Variants in GLIS2 observed in about 807,000 individuals in gnomAD.
The protein encoded by GLIS2 is zinc finger protein GLIS2.
GLIS2 carries 14 observed loss-of-function variants against 35.6 expected under a neutral mutation model. That is an observed-to-expected ratio of 0.39 (90% CI 0.26 to 0.61). The LOEUF (loss-of-function observed/expected upper bound fraction) is 0.61. Ranked by LOEUF, GLIS2 falls within the 20% of genes least tolerant of loss-of-function variation. The pLI, the probability that GLIS2 is intolerant of heterozygous loss-of-function variation, is 0.48. For synonymous variants in GLIS2, 368 were observed against 325.1 expected, an observed-to-expected ratio of 1.13 and a Z score of -1.42; for missense variants, 675 against 713.4, an observed-to-expected ratio of 0.95 and a Z score of 0.61.
chr16:4,335,314 G>A lies in GLIS2; in HGVS notation c.696G>A (p.Glu232=). 1.2e-6 allele frequency: 2 copies of A among 1,613,828 alleles called. No homozygotes were observed. Among genetic ancestry groups the A allele is most frequent in the Middle Eastern group, 1.6e-4 (1 of 6,062 alleles). Residue 232 remains glutamate (E), a synonymous_variant, in exon 6 of 7, where the codon GAG becomes GAA. Coordinates refer to ENST00000433375, the MANE Select transcript of GLIS2 (RefSeq NM_032575.3). The surrounding 1 kb of genome is among the most constrained non-coding windows in gnomAD (Gnocchi z 4.6). ...MLIHIRTHTN[E]KPHRCPTCSK... is the part of the protein sequence containing the mutation. ...TCCACATCCGCACACACACCAACGA[G>A]AAGCCACACCGCTGTCCGACCTGCA...
At chr16:4,316,467 C>A (rs923413210) in intron 1 of GLIS2, among the ~76,000 whole-genome samples, 1 of 151,836 alleles carries the variant, frequency 6.6e-6, no homozygotes, top group Non-Finnish European at 1.5e-5. Context: ...CCGGGTCCCT[C>A]GAGCTCTCGG....
chr16:4,318,673 T>C (rs1347462723), intron 1 of GLIS2, among the ~76,000 whole-genome samples: 1 of 152,086 alleles, frequency 6.6e-6, no homozygotes, highest in East Asian at 1.9e-4. Context: ...CTGGACCCCA[T>C]TTCCAAGGCC....
chr16:4,333,696 T>G (rs1327552641), intron 3 of GLIS2, among the ~76,000 whole-genome samples, 177 bp downstream of exon 3: 1 of 152,176 alleles, frequency 6.6e-6, no homozygotes, highest in East Asian at 1.9e-4. Flanking sequence ...TCTCCTGCCT[T>G]CTGGCAGCTT....
At chr16:4,316,345 G>T (rs1219327825) in intron 1 of GLIS2, among the ~76,000 whole-genome samples, 91 bp downstream of exon 1, 1 of 145,644 alleles carries the variant, frequency 6.9e-6, no homozygotes, top group East Asian at 2.1e-4. Flanking sequence ...CGGGGCCCGA[G>T]GGTCTCCTCC....
intron 1 of GLIS2, among the ~76,000 whole-genome samples, chr16:4,323,649 C>T (rs2053401009): frequency 6.6e-6 from 1 of 152,132 alleles, no homozygotes; most frequent in Admixed American, 6.5e-5. Flanking sequence ...GGTGGGGCAT[C>T]TCCTAGGAAG....
rs1410088490 is a variant in GLIS2 at position 4,332,245 on chromosome 16, C to T, written c.-36C>T. ...TGCGTGAAGACCAGCTGGGAGCCCA[C>T]TGCCTGCTGCCACCTCCAACTCCGG... On this transcript the variant is annotated 5_prime_UTR_variant, in exon 2 of 7. Coordinates refer to ENST00000433375, the MANE Select transcript of GLIS2 (RefSeq NM_032575.3). The surrounding 1 kb of genome is among the most constrained non-coding windows in gnomAD (Gnocchi z 5.4). The T allele has an allele frequency of 1.2e-6, 2 of 1,605,954 alleles. No individual in the cohort carries two copies. Among genetic ancestry groups the T allele is most frequent in the African/African-American group, 2.7e-5 (2 of 74,758 alleles).
chr16:4,317,960 AGCTG>A (rs2053333621), intron 1 of GLIS2, among the ~76,000 whole-genome samples: 1 of 152,074 alleles, frequency 6.6e-6, no homozygotes, highest in Non-Finnish European at 1.5e-5. Flanking sequence ...AAATCCCTCC[AGCTG>A]GGGCTCTTCG....
chr16:4,316,672 G>C (rs1249564656), intron 1 of GLIS2, among the ~76,000 whole-genome samples: 1 of 152,102 alleles, frequency 6.6e-6, no homozygotes, highest in Non-Finnish European at 1.5e-5. Flanking sequence ...CCGCGCCGGG[G>C]CTGCTGCTAG....
intron 3 of GLIS2, among the ~76,000 whole-genome samples, chr16:4,334,542 AT>A (rs1179325451): frequency 6.6e-6 from 1 of 151,462 alleles, no homozygotes; most frequent in Non-Finnish European, 1.5e-5. Flanking sequence ...CTGGCTATAT[AT>A]TTTTTTTAAT....
At position 4,335,697 on chromosome 16, in the gene GLIS2, A is replaced by G. The variant is rs2053543508; in HGVS notation, c.775+304A>G. On this transcript the variant is annotated intron_variant, in intron 6 of 6. Transcript: ENST00000433375. This position sits in a 1 kb window ranked among gnomAD's most constrained non-coding sequence, Gnocchi z 4.6. ...CCAGGTCGGCTTCACTCCTCACTAC[A>G]GCCCAGGCCCATACCAGGACAGCTC... Among the ~76,000 whole-genome samples the G allele has an allele frequency of 6.6e-6, 1 of 152,214 alleles. No individual in the cohort carries two copies. Among genetic ancestry groups the G allele is most frequent in the African/African-American group, 2.4e-5 (1 of 41,450 alleles).
intron 1 of GLIS2, among the ~76,000 whole-genome samples, chr16:4,329,388 A>C (rs2053473456): frequency 6.6e-6 from 1 of 151,844 alleles, no homozygotes; most frequent in Non-Finnish European, 1.5e-5. Context: ...ACAATCTGAC[A>C]GCTCCAACAG....
Position 4,337,578 on chromosome 16 carries a change from C to G in GLIS2, c.*54C>G. On this transcript the variant is annotated 3_prime_UTR_variant, in exon 7 of 7. Transcript: ENST00000433375. ...CCCCGGCAGCTCCCGGCACTGCCCC[C>G]GACGAACGGAAACTCTTCTGTGAAA... The G allele has an allele frequency of 3.3e-6, 5 of 1,535,532 alleles. No homozygotes were observed. Among genetic ancestry groups the G allele is most frequent in the Non-Finnish European group, 4.4e-6 (5 of 1,146,168 alleles).
rs1441249282 is a variant in GLIS2, at chr16:4,332,025, G to C, written c.-66-190G>C. ...CCCAAGAGACTCATGGGAAGCAGAT[G>C]CGGAATCTCTGAGGAGGCTGTTGGC... On this transcript the variant is annotated intron_variant, in intron 1 of 6. Transcript: ENST00000433375. The surrounding 1 kb of genome is among the most constrained non-coding windows in gnomAD (Gnocchi z 5.4). 2.6e-5 allele frequency among the ~76,000 whole-genome samples: 4 copies of C among 152,188 alleles called. No homozygotes were observed. Among genetic ancestry groups the C allele is most frequent in the Non-Finnish European group, 5.9e-5 (4 of 68,032 alleles).
rs760405435 is a variant in GLIS2, at chr16:4,336,755, G to A, written c.806G>A (p.Gly269Asp). 1.9e-6 allele frequency: 3 copies of A among 1,609,626 alleles called. No individual in the cohort carries two copies. Among genetic ancestry groups the A allele is most frequent in the South Asian group, 1.1e-5 (1 of 90,512 alleles). ...AAGCCCTACGTCTGCCCCTACGAGG[G>A]CTGCAACAAGCGCTATTCCAACTCC... is the stretch of plus-strand genomic sequence containing the variant. ...GEKPYVCPYE[G>D]CNKRYSNSSD... Residue 269 changes from glycine to aspartate, a missense_variant, in exon 7 of 7, where the codon GGC (glycine) becomes GAC (aspartate). By Grantham distance (94) the Gly-to-Asp change is moderately conservative (BLOSUM62 -1). This residue lies in a region of GLIS2 where 133 missense variants were observed against 191.4 expected (regional missense o/e 0.69). Transcript: ENST00000433375.
chr16:4,332,424 A>T lies in GLIS2; in HGVS notation c.144A>T (p.Thr48=), dbSNP rs745701047. The change falls in exon 2 of 7, where the codon ACA becomes ACT. Residue 48 remains threonine (T), a synonymous_variant. Transcript: ENST00000433375. This position sits in a 1 kb window ranked among gnomAD's most constrained non-coding sequence, Gnocchi z 5.4. ...RELGLVDDSP[T]PGSPGSPPSG... is the part of the protein sequence containing the mutation. Reference sequence around the variant, plus strand: ...TGGGCCTGGTGGATGACAGCCCCACACCTGGCTCTCCAGGCTCCCCGCCCT... The same window carrying T: ...TGGGCCTGGTGGATGACAGCCCCACTCCTGGCTCTCCAGGCTCCCCGCCCT... The T allele has an allele frequency of 2.5e-6, 4 of 1,612,374 alleles. No individual in the cohort carries two copies. In the Admixed American group the frequency reaches 6.7e-5, roughly 27 times the overall value.
Position 4,337,697 on chromosome 16 carries a change from G to C in GLIS2, c.*173G>C. On this transcript the variant is annotated 3_prime_UTR_variant, in exon 7 of 7. Transcript: ENST00000433375. Reference sequence around the variant, plus strand: ...ATTCATGGCTGGCCTCCCAGCCCCCGGGTGGGGACCTGGCCTGTCATGCAG... The same window carrying C: ...ATTCATGGCTGGCCTCCCAGCCCCCCGGTGGGGACCTGGCCTGTCATGCAG... 2 of 927,526 alleles carry C rather than the reference G, an allele frequency of 2.2e-6. No homozygotes were observed. The highest frequency in any genetic ancestry group is 3.3e-6 in the Non-Finnish European group (2 of 607,392). 57.5% of individuals were successfully genotyped at this position (927,526 alleles called of 1,614,324 possible).
In GLIS2 at chr16:4,337,556, C is replaced by G. The variant is rs548548255; in HGVS notation, c.*32C>G. On this transcript the variant is annotated 3_prime_UTR_variant, in exon 7 of 7. Coordinates refer to ENST00000433375, the MANE Select transcript of GLIS2 (RefSeq NM_032575.3). ...CCTGCGGACAGTTGTGGTGCCCCCCCGGCAGCTCCCGGCACTGCCCCCGAC... is the reference window on the plus strand; with the variant it reads ...CCTGCGGACAGTTGTGGTGCCCCCCGGGCAGCTCCCGGCACTGCCCCCGAC... 4 of 1,540,044 alleles carry G rather than the reference C, an allele frequency of 2.6e-6. No individual in the cohort carries two copies. Among genetic ancestry groups the G allele is most frequent in the Non-Finnish European group, 3.5e-6 (4 of 1,148,452 alleles).
chr16:4,329,686 C>T (rs1220419619), intron 1 of GLIS2, among the ~76,000 whole-genome samples: 3 of 152,206 alleles, frequency 2.0e-5, no homozygotes, highest in Non-Finnish European at 4.4e-5. Context: ...TGCTAGCCCC[C>T]AGGGAAACAC....
At position 4,337,743 on chromosome 16, in the gene GLIS2, G is replaced by C; in HGVS notation, c.*219G>C. 1.5e-6 allele frequency: 1 copy of C among 661,082 alleles called. No individual in the cohort carries two copies. The highest frequency in any genetic ancestry group is 2.7e-6 in the Non-Finnish European group (1 of 377,288). 41.0% of individuals were successfully genotyped at this position (661,082 alleles called of 1,614,324 possible). ...TGCAGGGAGAGCTGTGCTCCTGGGT[G>C]CTGAAGCCTCGCTCCTGTCTGTCCC... On this transcript the variant is annotated 3_prime_UTR_variant, in exon 7 of 7. Transcript: ENST00000433375.
Sources: gnomAD v4.1 joint callset for allele counts (sites outside exome capture counted in the v4.1 genomes callset) on GRCh38, gnomAD v4.1.1 for gene constraint, gnomAD v4.1.1 regional missense constraint, Gnocchi (gnomAD v3.1) non-coding constraint, MANE v1.5 for transcripts, NCBI Gene and HGNC (gene_info 2026-07-23, HGNC 2026-07-21) for gene names.